Variants in C1orf50 observed in about 807,000 individuals in gnomAD.
C1orf50 encodes the protein chromosome 1 open reading frame 50.
C1orf50 carries 22 observed loss-of-function variants against 23.3 expected under a neutral mutation model. The observed-to-expected ratio is 0.94, with a 90% CI of 0.67 to 1.35. The LOEUF (loss-of-function observed/expected upper bound fraction) is 1.35, where lower values mean the gene tolerates loss of function less well. Ranked by LOEUF, C1orf50 falls within the 40% of genes most tolerant of loss-of-function variation. The probability of loss-of-function intolerance (pLI) is 0.00; values close to 1 mark genes in which losing one functional copy is unlikely to be tolerated. For missense variants in C1orf50, 271 were observed against 249.4 expected, an observed-to-expected ratio of 1.09 and a Z score of -0.58; for synonymous variants, 96 against 102.4, an observed-to-expected ratio of 0.94 and a Z score of 0.38.
intron 2 of C1orf50, among the ~76,000 whole-genome samples, chr1:42,770,679 G>T (rs370763739): frequency 6.6e-6 from 1 of 152,118 alleles, no homozygotes; most frequent in Non-Finnish European, 1.5e-5. Flanking sequence ...TGATCCATCC[G>T]CTACGGCCTC....
rs767033337 is a variant in C1orf50, at chr1:42,773,586, T to C, written c.219T>C (p.Asn73=). The change falls in exon 3 of 5, where the codon AAT becomes AAC. Residue 73 remains asparagine, a synonymous_variant. Coordinates refer to ENST00000372525, the MANE Select transcript of C1orf50 (RefSeq NM_024097.4). The part of the protein sequence containing the change: ...VQKADEFIRA[N]ATNKLTVIAE... ...AGGCTGATGAATTCATCCGAGCAAA[T>C]GCCACCAACAAGCTGACAGTCATAG... 1 of 1,612,860 alleles carries C rather than the reference T, an allele frequency of 6.2e-7. No homozygotes were observed. Among genetic ancestry groups the C allele is most frequent in the African/African-American group, 1.3e-5 (1 of 75,012 alleles).
intron 2 of C1orf50, among the ~76,000 whole-genome samples, chr1:42,771,974 CAAAA>C (rs10715817): frequency 7.1e-5 from 9 of 126,248 alleles, no homozygotes; most frequent in Non-Finnish European, 5.1e-5. Context: ...GACTCTGCCT[CAAAA>C]AAAAAAAAAA....
chr1:42,767,282 C>A lies in C1orf50; in HGVS notation c.-30C>A. The A allele has an allele frequency of 6.7e-7, 1 of 1,481,774 alleles. No individual in the cohort carries two copies. Among genetic ancestry groups the A allele is most frequent in the Non-Finnish European group, 8.9e-7 (1 of 1,120,620 alleles). 91.8% of individuals were successfully genotyped at this position (1,481,774 alleles called of 1,614,324 possible). A position where few individuals can be genotyped will look rare whatever the true frequency, so the allele number is the denominator to read the frequency against. On this transcript the variant is annotated 5_prime_UTR_variant, in exon 1 of 5. Transcript: ENST00000372525. Reference sequence around the variant, plus strand: ...GCGCAGGCTCTTCCTACTCGCACAGCCCAGGGAGTGGGGAGGATAAGGCGC... The same window carrying A: ...GCGCAGGCTCTTCCTACTCGCACAGACCAGGGAGTGGGGAGGATAAGGCGC...
At position 42,774,801 on chromosome 1, in the gene C1orf50, C is replaced by G. The variant is rs1257572624; in HGVS notation, c.347C>G (p.Pro116Arg). 1 of 1,613,768 alleles carries G rather than the reference C, an allele frequency of 6.2e-7. No homozygotes were observed. Among genetic ancestry groups the G allele is most frequent in the Admixed American group, 1.7e-5 (1 of 60,024 alleles). The change falls in exon 4 of 5, where the codon CCT becomes CGT. Residue 116 changes from proline (P) to arginine (R), a missense_variant. Transcript: ENST00000372525. ...GTAGCTTGTAATATAGTGAAAAAAC[C>G]TGGCAACATTTACTATCTCTATAAA... ...HHVACNIVKK[P>R]GNIYYLYKRE...
intron 2 of C1orf50, among the ~76,000 whole-genome samples, chr1:42,771,593 AAAAC>A (rs749669120): frequency 3.3e-5 from 5 of 152,372 alleles, no homozygotes; most frequent in South Asian, 2.1e-4. Flanking sequence ...AAAAGAAACA[AAAAC>A]AAACAAAAAA....
chr1:42,771,422 A>C lies in C1orf50; in HGVS notation c.196-2141A>C, dbSNP rs552461657. On this transcript the variant is annotated intron_variant, in intron 2 of 4. Coordinates refer to ENST00000372525, the MANE Select transcript of C1orf50 (RefSeq NM_024097.4). ...TGGAACAATTTGAGTATGTGAATCA[A>C]CTTTTTCACATATAAATTTTATTAA... 5.7e-4 allele frequency among the ~76,000 whole-genome samples: 86 copies of C among 152,206 alleles called. 1 individual carries two copies. Among genetic ancestry groups the C allele is most frequent in the Non-Finnish European group, 9.8e-4 (67 of 68,046 alleles).
chr1:42,772,706 A>G (rs1412920337), intron 2 of C1orf50, among the ~76,000 whole-genome samples: 8 of 152,268 alleles, frequency 5.3e-5, no homozygotes, highest in African/African-American at 1.9e-4. Flanking sequence ...ACTTGACTCC[A>G]GGAGGCAGAA....
rs201893746 is a variant in C1orf50, at chr1:42,767,533, C to A, written c.104C>A (p.Thr35Asn). 1,252 of 1,593,136 alleles carry A rather than the reference C, an allele frequency of 7.9e-4. 1 individual carries two copies. Among genetic ancestry groups the A allele is most frequent in the Middle Eastern group, 3.1e-3 (19 of 6,034 alleles). ...GGAGCCCTGGTGGAGCTCACCCCGA[C>A]CCCCGGCGGCCTGGCCCTGGTGAGC... ...QGGALVELTP[T>N]PGGLALVSPY... is the part of the protein sequence containing the mutation. The change falls in exon 2 of 5, where the codon ACC (threonine) becomes AAC (asparagine). Residue 35 changes from threonine to asparagine, a missense_variant. Coordinates refer to ENST00000372525, the MANE Select transcript of C1orf50 (RefSeq NM_024097.4).
chr1:42,769,583 C>G (rs1324026631), intron 2 of C1orf50: 4 of 151,282 alleles, frequency 2.6e-5, no homozygotes, highest in African/African-American at 9.7e-5. Context: ...GTGGCTCACG[C>G]TTGTAATCCG....
chr1:42,774,979 G>C, intron 4 of C1orf50, 111 bp downstream of exon 4: 1 of 1,343,922 alleles, frequency 7.4e-7, no homozygotes. Context: ...TAGAAAATTG[G>C]GGGTGATGTG....
chr1:42,773,747 T>C (rs1653272977), intron 3 of C1orf50, 98 bp downstream of exon 3: 1 of 721,126 alleles, frequency 1.4e-6, no homozygotes, highest in Non-Finnish European at 2.4e-6. Context: ...ATGTCTTTAA[T>C]ACCTCCTAGA....
Position 42,767,334 on chromosome 1 carries a change from G to T in C1orf50, c.23G>T (p.Gly8Val). The T allele has an allele frequency of 6.6e-7, 1 of 1,525,416 alleles. No homozygotes were observed. The highest frequency in any genetic ancestry group is 2.5e-5 in the Admixed American group (1 of 40,238). 94.5% of individuals were successfully genotyped at this position (1,525,416 alleles called of 1,614,324 possible). Residue 8 changes from glycine (G) to valine (V), a missense_variant, in exon 1 of 5, where the codon GGG becomes GTG. By Grantham distance (109) the Gly-to-Val change is moderately radical. Coordinates refer to ENST00000372525, the MANE Select transcript of C1orf50 (RefSeq NM_024097.4). The stretch of plus-strand genomic sequence containing the variant: ...GTCATGGAGGACGCCGCCGCGCCGG[G>T]GCGGACCGAGGGGGTCCTTGAAAGG... MEDAAAP[G>V]RTEGVLERQG...
At chr1:42,770,151 C>T (rs1184072064) in intron 2 of C1orf50, among the ~76,000 whole-genome samples, 1 of 152,096 alleles carries the variant, frequency 6.6e-6, no homozygotes, top group African/African-American at 2.4e-5. Context: ...CTCTTCCCTT[C>T]CTTTCTTTTT....
In C1orf50 at chr1:42,774,771, A is replaced by G; in HGVS notation, c.317A>G (p.His106Arg). The G allele has an allele frequency of 6.2e-7, 1 of 1,613,676 alleles. No homozygotes were observed. The highest frequency in any genetic ancestry group is 8.5e-7 in the Non-Finnish European group (1 of 1,179,678). ...GATGCTCACAGAGATGCCAACCTGCACCATGTAGCTTGTAATATAGTGAAA... is the reference window on the plus strand; with the variant it reads ...GATGCTCACAGAGATGCCAACCTGCGCCATGTAGCTTGTAATATAGTGAAA... ...LEDAHRDANL[H>R]HVACNIVKKP... The change falls in exon 4 of 5, where the codon CAC becomes CGC. Residue 106 changes from histidine (H) to arginine (R), a missense_variant. Coordinates refer to ENST00000372525, the MANE Select transcript of C1orf50 (RefSeq NM_024097.4).
chr1:42,770,422 C>CCTTT (rs1199697289), intron 2 of C1orf50, among the ~76,000 whole-genome samples: 2 of 151,788 alleles, frequency 1.3e-5, no homozygotes, highest in East Asian at 3.9e-4. Context: ...TATGGCTCCT[C>CCTTT]CTTTCTTTCT....
chr1:42,773,511 A>G (rs1265676877), intron 2 of C1orf50, 52 bp from the exon 3 acceptor site: 1 of 1,091,688 alleles, frequency 9.2e-7, no homozygotes, highest in African/African-American at 1.6e-5. Context: ...TAAGAACATC[A>G]TAGAAGTCTT....
chr1:42,775,573 C>T lies in C1orf50; in HGVS notation c.*179C>T, dbSNP rs1191826158. On this transcript the variant is annotated 3_prime_UTR_variant, in exon 5 of 5. Coordinates refer to ENST00000372525, the MANE Select transcript of C1orf50 (RefSeq NM_024097.4). ...ATTGGGATGGGAATAATCATTGAGA[C>T]AGAGTCACTGTCTTTCGGGATCCTC... 3.8e-6 allele frequency: 2 copies of T among 527,734 alleles called. No individual in the cohort carries two copies. Among genetic ancestry groups the T allele is most frequent in the Admixed American group, 6.4e-5 (2 of 31,344 alleles). The allele number at this position is 527,734 out of a possible 1,614,324, so 32.7% of individuals were successfully genotyped here. A position where few individuals can be genotyped will look rare whatever the true frequency, so the allele number is the denominator to read the frequency against.
chr1:42,770,929 C>T (rs1261483152), intron 2 of C1orf50, among the ~76,000 whole-genome samples: 4 of 152,064 alleles, frequency 2.6e-5, no homozygotes, highest in Non-Finnish European at 5.9e-5. Context: ...CATTTAGACC[C>T]AAGTCAAATG....
In C1orf50 at chr1:42,779,388, A is replaced by G. The variant is rs1480970621; in HGVS notation, c.*3994A>G. 2 of 152,124 alleles carry G rather than the reference A, an allele frequency of 1.3e-5. No homozygotes were observed. The allele number at this position is 152,124 out of a possible 1,614,324, so 9.4% of individuals were successfully genotyped here. A position where few individuals can be genotyped will look rare whatever the true frequency, so the allele number is the denominator to read the frequency against. ...CAAGACTCCATCTCAAAAAAAAAAAAAAAAGAATCATAACATAGCATCTTA... is the reference window on the plus strand; with the variant it reads ...CAAGACTCCATCTCAAAAAAAAAAAGAAAAGAATCATAACATAGCATCTTA... On this transcript the variant is annotated 3_prime_UTR_variant, in exon 5 of 5. Coordinates refer to ENST00000372525, the MANE Select transcript of C1orf50 (RefSeq NM_024097.4).
Sources: allele counts gnomAD v4.1 joint callset (sites outside exome capture counted in the v4.1 genomes callset), GRCh38; gene constraint gnomAD v4.1.1; transcripts MANE v1.5; gene names NCBI Gene and HGNC (gene_info 2026-07-23, HGNC 2026-07-21).